Variants in LMX1A observed in about 807,000 individuals in gnomAD.
LMX1A encodes the protein LIM homeobox transcription factor 1-alpha.
LMX1A carries 15 observed loss-of-function variants against 49.1 expected under a neutral mutation model. The observed-to-expected ratio is 0.31, with a 90% CI of 0.20 to 0.47. The LOEUF is 0.47. Among genes scored for constraint, LMX1A ranks in the 20% least tolerant of loss-of-function variants. The pLI is 1.00. For missense variants in LMX1A, 372 were observed against 475.8 expected (o/e 0.78, Z 2.03); for synonymous variants, 167 against 185.7 (o/e 0.90, Z 0.82).
rs183598718 is a variant in LMX1A, at chr1:165,264,435, C to A, written c.264-14795G>T. On this transcript the variant is annotated intron_variant, in intron 3 of 8. Transcript: ENST00000342310. Reference sequence around the variant, plus strand: ...GCATATGCTCGCACACACACACACACATACATGCTGCCTTAGACTAGAAAT... The same window carrying A: ...GCATATGCTCGCACACACACACACAAATACATGCTGCCTTAGACTAGAAAT... 2.3e-4 allele frequency among the ~76,000 whole-genome samples: 35 copies of A among 152,246 alleles called. 1 individual carries two copies. The highest frequency in any genetic ancestry group is 2.2e-3 in the Admixed American group (34 of 15,286).
chr1:165,254,539 G>A (rs1040921973), intron 3 of LMX1A, among the ~76,000 whole-genome samples: 3 of 152,294 alleles, frequency 2.0e-5, no homozygotes, highest in South Asian at 2.1e-4. Context: ...AAAGGTGCAT[G>A]TGGTCCACCA....
chr1:165,204,938 C>A (rs1449504234), intron 8 of LMX1A, among the ~76,000 whole-genome samples: 1 of 151,966 alleles, frequency 6.6e-6, no homozygotes, highest in Non-Finnish European at 1.5e-5. Flanking sequence ...AGGGCCAAAT[C>A]TTAATAAATG....
At chr1:165,327,841 G>T (rs539173288) in intron 3 of LMX1A, among the ~76,000 whole-genome samples, 1 of 152,248 alleles carries the variant, frequency 6.6e-6, no homozygotes, top group Non-Finnish European at 1.5e-5. Flanking sequence ...AGCTGTGAAA[G>T]CAGCATTGTG....
intron 3 of LMX1A, among the ~76,000 whole-genome samples, chr1:165,283,171 G>A (rs757146055): frequency 6.6e-6 from 1 of 152,194 alleles, no homozygotes; most frequent in Non-Finnish European, 1.5e-5. Context: ...TCTATGTTTA[G>A]ATATGCTTAG....
chr1:165,306,245 A>G (rs879100145), intron 3 of LMX1A, among the ~76,000 whole-genome samples: 1 of 152,220 alleles, frequency 6.6e-6, no homozygotes, highest in African/African-American at 2.4e-5. Context: ...ATTATCACTT[A>G]ATAAATAGTC....
intron 6 of LMX1A, among the ~76,000 whole-genome samples, chr1:165,209,350 G>C (rs1651266310): frequency 6.6e-6 from 1 of 152,202 alleles, no homozygotes; most frequent in Non-Finnish European, 1.5e-5. Flanking sequence ...TCTCCAGAGT[G>C]ATACCTATGT....
chr1:165,308,154 C>T (rs1023031295), intron 3 of LMX1A, among the ~76,000 whole-genome samples: 1 of 152,206 alleles, frequency 6.6e-6, no homozygotes, highest in Non-Finnish European at 1.5e-5. Flanking sequence ...AAGAGATACA[C>T]TGATGCTATC....
intron 3 of LMX1A, among the ~76,000 whole-genome samples, chr1:165,272,633 T>C (rs1169478893): frequency 6.6e-6 from 1 of 152,006 alleles, no homozygotes; most frequent in Non-Finnish European, 1.5e-5. Context: ...CAGGAAAGCA[T>C]GGAAGGAAGA....
intron 3 of LMX1A, 28 bp downstream of exon 3, chr1:165,353,048 G>A (rs1656480188): frequency 6.2e-7 from 1 of 1,610,656 alleles, no homozygotes; most frequent in Non-Finnish European, 8.5e-7. Flanking sequence ...CAGTGCGCGG[G>A]GAGCGCTGCG....
intron 3 of LMX1A, among the ~76,000 whole-genome samples, chr1:165,314,739 T>C (rs1362294393): frequency 6.6e-6 from 1 of 152,084 alleles, no homozygotes; most frequent in Non-Finnish European, 1.5e-5. Flanking sequence ...GGGTCCAGCA[T>C]CTCTCTTTAA....
At chr1:165,284,499 G>C (rs1318409060) in intron 3 of LMX1A, among the ~76,000 whole-genome samples, 1 of 152,184 alleles carries the variant, frequency 6.6e-6, no homozygotes, top group African/African-American at 2.4e-5. Flanking sequence ...GAGTGAATGA[G>C]CAGGCAGGCT....
chr1:165,235,452 C>G (rs1184380626), intron 4 of LMX1A, among the ~76,000 whole-genome samples: 1 of 152,256 alleles, frequency 6.6e-6, no homozygotes, highest in Non-Finnish European at 1.5e-5. Flanking sequence ...AAATCCCCAG[C>G]ACCTGCCTCG....
At chr1:165,309,913 C>T (rs905873755) in intron 3 of LMX1A, among the ~76,000 whole-genome samples, 2 of 152,226 alleles carry the variant, frequency 1.3e-5, no homozygotes, top group African/African-American at 4.8e-5. Flanking sequence ...CCTGAACAGT[C>T]ATTTCCTCAA....
chr1:165,350,603 G>A lies in LMX1A; in HGVS notation c.263+2473C>T, dbSNP rs115509361. Among the ~76,000 whole-genome samples the A allele has an allele frequency of 2.8e-3, 422 of 151,802 alleles. 2 individuals carry two copies. The highest frequency in any genetic ancestry group is 4.7e-3 in the Admixed American group (71 of 15,260). On this transcript the variant is annotated intron_variant, in intron 3 of 8. Transcript: ENST00000342310. ...CTTTTTCTCCTACAGATACCAACAC[G>A]CAGACTAAGACCATTAAGATTATCA...
chr1:165,315,579 G>A lies in LMX1A; in HGVS notation c.263+37497C>T, dbSNP rs184624499. On this transcript the variant is annotated intron_variant, in intron 3 of 8. Transcript: ENST00000342310. ...ATCCAAGTCATGTTGTATTTGGTCC[G>A]TAATCCAACACTGTAAAACTAAATC... is the stretch of plus-strand genomic sequence containing the variant. Among the ~76,000 whole-genome samples, 87 of 152,316 alleles carry A rather than the reference G, an allele frequency of 5.7e-4. 1 individual carries two copies. Among genetic ancestry groups the A allele is most frequent in the Admixed American group, 2.9e-3 (45 of 15,294 alleles).
At chr1:165,227,949 T>G (rs1652096519) in intron 4 of LMX1A, among the ~76,000 whole-genome samples, 1 of 152,200 alleles carries the variant, frequency 6.6e-6, no homozygotes, top group Non-Finnish European at 1.5e-5. Flanking sequence ...CATTCGTGCA[T>G]TTGACAAACA....
intron 4 of LMX1A, among the ~76,000 whole-genome samples, chr1:165,240,840 G>A (rs879765994): frequency 6.6e-6 from 1 of 152,172 alleles, no homozygotes; most frequent in Admixed American, 6.5e-5. Context: ...CTCAAACCAA[G>A]AGGCACAGAG....
At chr1:165,249,677 G>A (rs1266581596) in intron 3 of LMX1A, 37 bp from the exon 4 acceptor site, 3 of 1,551,372 alleles carry the variant, frequency 1.9e-6, no homozygotes, top group South Asian at 2.3e-5. Context: ...TGCACCATGA[G>A]TAAAATCTGG....
chr1:165,335,009 AT>A (rs1655857946), intron 3 of LMX1A, among the ~76,000 whole-genome samples: 1 of 152,226 alleles, frequency 6.6e-6, no homozygotes, highest in Non-Finnish European at 1.5e-5. Flanking sequence ...CTTGAATTGT[AT>A]TGCTGAAACA....
Sources: gnomAD v4.1 joint callset for allele counts (sites outside exome capture counted in the v4.1 genomes callset) on GRCh38, gnomAD v4.1.1 for gene constraint, MANE v1.5 for transcripts, NCBI Gene and HGNC (gene_info 2026-07-23, HGNC 2026-07-21) for gene names.